The following POMGNT1 variants were observed in gnomAD, a reference collection of about 807,000 sequenced individuals.
POMGNT1 encodes the protein protein O-linked mannose N-acetylglucosaminyltransferase 1 (beta 1,2-).
Under a neutral mutation model 95.6 loss-of-function variants are expected in POMGNT1, and 67 were observed. That is an observed-to-expected ratio of 0.70 (90% CI 0.58 to 0.86). The LOEUF (loss-of-function observed/expected upper bound fraction) is 0.86. Among genes scored for constraint, POMGNT1 ranks in the 40% least tolerant of loss-of-function variants. The probability of loss-of-function intolerance (pLI) is 0.00; values close to 1 mark genes in which losing one functional copy is unlikely to be tolerated. For missense variants in POMGNT1, 719 were observed against 855.2 expected, an observed-to-expected ratio of 0.84 and a Z score of 1.99; for synonymous variants, 298 against 317.9, an observed-to-expected ratio of 0.94 and a Z score of 0.66.
intron 19 of POMGNT1, 187 bp from the exon 20 acceptor site, chr1:46,190,176 C>T: frequency 1.3e-6 from 1 of 740,980 alleles, no homozygotes. Flanking sequence ...TCCCAAGTAG[C>T]TGGGACTACA....
At chr1:46,210,283 T>A (rs1658853354) in intron 1 of POMGNT1, among the ~76,000 whole-genome samples, 2 of 152,216 alleles carry the variant, frequency 1.3e-5, no homozygotes, top group African/African-American at 4.8e-5. Flanking sequence ...TGTGTTTTTT[T>A]AATTTTTTCA....
upstream of POMGNT1, among the ~76,000 whole-genome samples, chr1:46,200,922 A>T (rs1658515259): frequency 6.6e-6 from 1 of 152,098 alleles, no homozygotes; most frequent in South Asian, 2.1e-4. Context: ...GGATCACCTG[A>T]GGCGGATGGA....
Position 46,189,856 on chromosome 1 carries a change from T to C in POMGNT1, c.1783A>G (p.Lys595Glu), listed in dbSNP as rs797045896. ...GGGTGGGCATGGTATTGGAGCACCT[T>C]GGCAAGCTGGGTCCAGGTGGTGAAG... ...DDFTTWTQLA[K>E]CLHIWDLDVR... The change falls in exon 20 of 22, where the codon AAG becomes GAG. Residue 595 changes from lysine (K) to glutamate (E), a missense_variant and splice_region_variant. This residue lies in a region of POMGNT1 where 130 missense variants were observed against 149.2 expected (regional missense o/e 0.87). Coordinates refer to ENST00000371984, the MANE Select transcript of POMGNT1 (RefSeq NM_017739.4). 6 of 1,613,684 alleles carry C rather than the reference T, an allele frequency of 3.7e-6. No individual in the cohort carries two copies. In the African/African-American group the frequency reaches 5.3e-5, roughly 14 times the overall value.
intron 1 of POMGNT1, among the ~76,000 whole-genome samples, chr1:46,208,299 C>A (rs1028259096): frequency 1.3e-5 from 2 of 152,130 alleles, no homozygotes; most frequent in African/African-American, 4.8e-5. Context: ...GCCAACCACA[C>A]TGAATTTTAA....
chr1:46,210,022 A>G (rs1658844288), intron 1 of POMGNT1, among the ~76,000 whole-genome samples: 1 of 152,212 alleles, frequency 6.6e-6, no homozygotes, highest in South Asian at 2.1e-4. Flanking sequence ...TCCTTTATCA[A>G]GTTAATAGTC....
chr1:46,220,165 G>A (rs1188022341), exon 1 of POMGNT1: 1 of 1,613,932 alleles, frequency 6.2e-7, no homozygotes, highest in Non-Finnish European at 8.5e-7. Flanking sequence ...GCCAAGCTGG[G>A]CTTCGAGGCC....
intron 1 of POMGNT1, among the ~76,000 whole-genome samples, chr1:46,218,594 C>T (rs6696085): frequency 0.2 from 30,862 of 152,062 alleles, 3,228 homozygotes; most frequent in Admixed American, 0.25. Flanking sequence ...TGTAGATGTT[C>T]GGATTCGGCA....
At position 46,193,564 on chromosome 1, in the gene POMGNT1, C is replaced by T; in HGVS notation, c.1026G>A (p.Glu342=). 6.2e-7 allele frequency: 1 copy of T among 1,614,192 alleles called. No individual in the cohort carries two copies. Among genetic ancestry groups the T allele is most frequent in the South Asian group, 1.1e-5 (1 of 91,080 alleles). Residue 342 remains glutamate, a splice_region_variant and synonymous_variant, in exon 11 of 22, where the codon GAG becomes GAA. Transcript: ENST00000371984. ...MITVFIDGYY[E]EPMDVVALFG... is the part of the protein sequence containing the mutation. ...GAGGCACCCCCCAAGTCCTGCTCAC[C>T]TCATAGTAGCCGTCAATGAAAACTG...
Position 46,192,584 on chromosome 1 carries a change from C to T in POMGNT1, c.1218G>A (p.Leu406=), listed in dbSNP as rs1211823122. 18 of 1,613,870 alleles carry T rather than the reference C, an allele frequency of 1.1e-5. No homozygotes were observed. Among genetic ancestry groups the T allele is most frequent in the Non-Finnish European group, 1.4e-5 (17 of 1,180,004 alleles). ...CCTCCAGTAGGTGGATGGATTGGCT[C>T]AGGAAACTGAGAGAGGCAGGGTCAA... ...LDIAVDFFSF[L]SQSIHLLEED... is the part of the protein sequence containing the mutation. Residue 406 remains leucine, a synonymous_variant, in exon 15 of 22, where the codon CTG becomes CTA. Coordinates refer to ENST00000371984, the MANE Select transcript of POMGNT1 (RefSeq NM_017739.4).
At position 46,192,412 on chromosome 1, in the gene POMGNT1, G is replaced by C. The variant is rs1233839812; in HGVS notation, c.1309C>G (p.Pro437Ala). Reference sequence around the variant, plus strand: ...GTCTCCACACGGTACAGTAGTGCTGGGTCCTCAGCCGTGTGTTCATACCCC... The same window carrying C: ...GTCTCCACACGGTACAGTAGTGCTGCGTCCTCAGCCGTGTGTTCATACCCC... ...DQGYEHTAED[P>A]ALLYRVETMP... The change falls in exon 16 of 22, where the codon CCA becomes GCA. Residue 437 changes from proline (P) to alanine (A), a missense_variant. By Grantham distance (27) the Pro-to-Ala change is conservative. Transcript: ENST00000371984. The C allele has an allele frequency of 6.2e-7, 1 of 1,614,150 alleles. No individual in the cohort carries two copies. Among genetic ancestry groups the C allele is most frequent in the South Asian group, 1.1e-5 (1 of 91,082 alleles).
upstream of POMGNT1, among the ~76,000 whole-genome samples, chr1:46,198,618 C>T (rs963582983): frequency 6.6e-5 from 10 of 152,196 alleles, no homozygotes; most frequent in Non-Finnish European, 1.2e-4. Context: ...GCTTCGCAGC[C>T]CGGCTGGCTG....
Position 46,190,915 on chromosome 1 carries a change from C to G in POMGNT1, c.1540-131G>C, listed in dbSNP as rs981867599. Reference sequence around the variant, plus strand: ...TGTAAAGAGCCCTCTAATTTCCCACCGTCTTCTCCATCCTCTTTGCAGCAT... The same window carrying G: ...TGTAAAGAGCCCTCTAATTTCCCACGGTCTTCTCCATCCTCTTTGCAGCAT... On this transcript the variant is annotated intron_variant, in intron 17 of 21. Transcript: ENST00000371984. The G allele has an allele frequency of 2.5e-5, 21 of 843,848 alleles. No individual in the cohort carries two copies. In the African/African-American group the frequency reaches 3.5e-4, roughly 14 times the overall value. The allele number at this position is 843,848 out of a possible 1,614,324, so 52.3% of individuals were successfully genotyped here. A position where few individuals can be genotyped will look rare whatever the true frequency, so the allele number is the denominator to read the frequency against.
rs763160180 is a variant in POMGNT1 at position 46,192,329 on chromosome 1, G to A, written c.1392C>T (p.Pro464=). 1.9e-6 allele frequency: 3 copies of A among 1,614,132 alleles called. No individual in the cohort carries two copies. Among genetic ancestry groups the A allele is most frequent in the South Asian group, 2.2e-5 (2 of 91,078 alleles). The change falls in exon 16 of 22, where the codon CCC becomes CCT. Residue 464 remains proline, a synonymous_variant. Coordinates refer to ENST00000371984, the MANE Select transcript of POMGNT1 (RefSeq NM_017739.4). ...RRSLYKEELE[P]KWPTPEKLWD... Reference sequence around the variant, plus strand: ...TTACCTTTTCCGGTGTAGGCCACTTGGGCTCAAGCTCCTCCTTGTACAAGG... The same window carrying A: ...TTACCTTTTCCGGTGTAGGCCACTTAGGCTCAAGCTCCTCCTTGTACAAGG...
At chr1:46,214,964 C>T (rs4612574) in intron 1 of POMGNT1, among the ~76,000 whole-genome samples, 30,666 of 150,016 alleles carry the variant, frequency 0.2, 3,193 homozygotes, top group Admixed American at 0.26. Flanking sequence ...CTGTGGCTCA[C>T]GCCTGTAATC....
rs766962079 is a variant in POMGNT1, at chr1:46,198,238, G to C, written c.-51+98C>G. On this transcript the variant is annotated intron_variant, in intron 1 of 21. Transcript: ENST00000371984. The stretch of plus-strand genomic sequence containing the variant: ...CCCTCGTCCCATCCTATCTGCCCCA[G>C]CTTCTCTCCTCCTCCCAGGGCCCGG... The C allele has an allele frequency of 2.9e-5, 5 of 170,514 alleles. No homozygotes were observed. The East Asian group carries it at 8.4e-4, about 29-fold the overall frequency. 10.6% of individuals were successfully genotyped at this position (170,514 alleles called of 1,614,324 possible).
rs1324638760 is a variant in POMGNT1, at chr1:46,190,137, C to T, written c.1650-148G>A. On this transcript the variant is annotated intron_variant, in intron 19 of 21. Transcript: ENST00000371984. ...TTTTTGAGATGGAGTCTTGCTCTGT[C>T]GCCCAGGCTGGAGTCTCCTGCCTCA... 16 of 986,822 alleles carry T rather than the reference C, an allele frequency of 1.6e-5. 1 individual carries two copies. Among genetic ancestry groups the T allele is most frequent in the South Asian group, 1.0e-4 (6 of 57,890 alleles). The allele number at this position is 986,822 out of a possible 1,614,324, so 61.1% of individuals were successfully genotyped here.
At chr1:46,203,478 A>C in intron 1 of POMGNT1, 1 of 1,522,660 alleles carries the variant, frequency 6.6e-7, no homozygotes, top group African/African-American at 1.4e-5. Context: ...TGTGGAGGGT[A>C]AGGTGGGCAG....
Position 46,189,583 on chromosome 1 carries a change from T to C in POMGNT1, c.1786-16A>G, listed in dbSNP as rs1331702252. On this transcript the variant is annotated splice_polypyrimidine_tract_variant and intron_variant, in intron 20 of 21. Transcript: ENST00000371984. ...TATGGAGGCACTAGTGAGGGTGGGA[T>C]GGAGACAGAGACATGGGTCAGAGAG... 2 of 1,603,902 alleles carry C rather than the reference T, an allele frequency of 1.2e-6. No homozygotes were observed. Among genetic ancestry groups the C allele is most frequent in the Admixed American group, 3.4e-5 (2 of 58,724 alleles).
Position 46,189,220 on chromosome 1 carries a change from C to G in POMGNT1, c.*50G>C. On this transcript the variant is annotated 3_prime_UTR_variant, in exon 22 of 22. Transcript: ENST00000371984. ...CCTACAGGATGGAGGGAAGGGCTAG[C>G]CAGCCTGGGGGTACACAGTACCCAG... 6.3e-7 allele frequency: 1 copy of G among 1,576,702 alleles called. No individual in the cohort carries two copies. Among genetic ancestry groups the G allele is most frequent in the Non-Finnish European group, 8.6e-7 (1 of 1,165,382 alleles).
Sources: allele counts gnomAD v4.1 joint callset (sites outside exome capture counted in the v4.1 genomes callset), GRCh38; gene constraint gnomAD v4.1.1; regional missense constraint gnomAD v4.1.1; transcripts MANE v1.5; gene names NCBI Gene and HGNC (gene_info 2026-07-23, HGNC 2026-07-21).